RFX7: variants seen among roughly 807,000 people sequenced by gnomAD.
The protein encoded by RFX7 is DNA-binding protein RFX7.
RFX7 carries 26 observed loss-of-function variants against 111.8 expected under a neutral mutation model. The observed-to-expected ratio is 0.23, with a 90% CI of 0.17 to 0.32. The LOEUF is 0.32. Ranked by LOEUF, RFX7 falls within the 10% of genes least tolerant of loss-of-function variation. RFX7 has a pLI of 1.00. For missense variants in RFX7, 1,573 were observed against 1,772.9 expected (o/e 0.89, Z 2.02); for synonymous variants, 624 against 624.4 (o/e 1.00, Z 0.01).
chr15:56,144,919 A>G lies in RFX7; in HGVS notation c.196-436T>C, dbSNP rs1430940144. ...TCTGTAGAACTATAAAATGAATGACATAATTTCTAGAATCCGTTTCTAATT... is the reference window on the plus strand; with the variant it reads ...TCTGTAGAACTATAAAATGAATGACGTAATTTCTAGAATCCGTTTCTAATT... On this transcript the variant is annotated intron_variant, in intron 3 of 9. Coordinates refer to ENST00000559447, the MANE Select transcript of RFX7 (RefSeq NM_022841.7). Among the ~76,000 whole-genome samples, 7 of 152,336 alleles carry G rather than the reference A, an allele frequency of 4.6e-5. No individual in the cohort carries two copies. In the South Asian group the frequency reaches 1.0e-3, roughly 23 times the overall value.
intron 5 of RFX7, among the ~76,000 whole-genome samples, chr15:56,118,736 G>A (rs1246227025): frequency 6.6e-6 from 1 of 152,094 alleles, no homozygotes; most frequent in Admixed American, 6.5e-5. Flanking sequence ...AGATCATATG[G>A]TAGCTCTATT....
intron 5 of RFX7, among the ~76,000 whole-genome samples, chr15:56,136,379 T>C (rs1403544528): frequency 6.9e-6 from 1 of 145,972 alleles, no homozygotes; most frequent in East Asian, 2.0e-4. Flanking sequence ...TTTGAAGCAA[T>C]TGTGAATGGG....
intron 3 of RFX7, among the ~76,000 whole-genome samples, chr15:56,176,364 T>G (rs147138744): frequency 5.6e-4 from 86 of 152,240 alleles, no homozygotes; most frequent in African/African-American, 2.0e-3. Flanking sequence ...ACTATATACG[T>G]AGTCAAACTG....
intron 2 of RFX7, among the ~76,000 whole-genome samples, chr15:56,224,169 T>C (rs1456995891): frequency 6.6e-6 from 1 of 152,046 alleles, no homozygotes; most frequent in Non-Finnish European, 1.5e-5. Context: ...TTTTGTAAAA[T>C]TTTGTAAAAT....
chr15:56,244,471 CT>C (rs1325148748), upstream of RFX7, among the ~76,000 whole-genome samples: 2 of 152,184 alleles, frequency 1.3e-5, no homozygotes, highest in African/African-American at 4.8e-5. Flanking sequence ...CTCCATCCCC[CT>C]GCAAGAACTC....
At chr15:56,183,629 G>C (rs1053933879) in intron 2 of RFX7, among the ~76,000 whole-genome samples, 1 of 151,992 alleles carries the variant, frequency 6.6e-6, no homozygotes, top group Non-Finnish European at 1.5e-5. Context: ...ATAAAATTTA[G>C]GTCTATTTAT....
intron 5 of RFX7, among the ~76,000 whole-genome samples, chr15:56,123,832 G>A (rs1001579214): frequency 7.9e-5 from 12 of 152,164 alleles, no homozygotes; most frequent in South Asian, 2.1e-4. Context: ...CACTGTTGGC[G>A]GCACTGAGTT....
At chr15:56,164,315 T>C (rs1340032753) in intron 3 of RFX7, among the ~76,000 whole-genome samples, 4 of 152,192 alleles carry the variant, frequency 2.6e-5, no homozygotes, top group Non-Finnish European at 5.9e-5. Context: ...CAGTAGCTGA[T>C]TCCTTCCAGG....
intron 2 of RFX7, among the ~76,000 whole-genome samples, chr15:56,219,495 T>C (rs1197349526): frequency 1.3e-5 from 2 of 152,198 alleles, no homozygotes; most frequent in African/African-American, 4.8e-5. Context: ...TAGTACCTGA[T>C]AGGTAGCTTT....
intron 3 of RFX7, among the ~76,000 whole-genome samples, chr15:56,166,361 C>T (rs1216532792): frequency 6.6e-6 from 1 of 152,114 alleles, no homozygotes; most frequent in Non-Finnish European, 1.5e-5. Flanking sequence ...GCCCTCTTAA[C>T]CTTTATTTTT....
chr15:56,112,052 T>C (rs1289687310), intron 5 of RFX7, among the ~76,000 whole-genome samples: 1 of 150,662 alleles, frequency 6.6e-6, no homozygotes, highest in Non-Finnish European at 1.5e-5. Context: ...GAGGCGGAGG[T>C]TGCAGTGAGC....
At chr15:56,204,975 G>A (rs1398133946) in intron 2 of RFX7, among the ~76,000 whole-genome samples, 2 of 152,086 alleles carry the variant, frequency 1.3e-5, no homozygotes, top group Non-Finnish European at 2.9e-5. Context: ...GAACCAAAAG[G>A]CACCTGAATG....
At chr15:56,240,902 G>C (rs1454614174) in intron 2 of RFX7, among the ~76,000 whole-genome samples, 1 of 151,974 alleles carries the variant, frequency 6.6e-6, no homozygotes, top group Non-Finnish European at 1.5e-5. Flanking sequence ...GGTAGTAAAG[G>C]AGTTTTCACT....
intron 1 of RFX7, 27 bp downstream of exon 1, chr15:56,243,418 A>G: frequency 8.9e-7 from 1 of 1,124,580 alleles, no homozygotes; most frequent in Non-Finnish European, 1.1e-6. Context: ...AGGAGGAGGA[A>G]GGAAGCTGGA....
At chr15:56,116,085 T>C (rs1239254316) in intron 5 of RFX7, among the ~76,000 whole-genome samples, 4 of 152,252 alleles carry the variant, frequency 2.6e-5, no homozygotes, top group African/African-American at 9.6e-5. Context: ...TCTCTCATCT[T>C]TGAATTTCCA....
At chr15:56,213,974 T>C (rs573422035) in intron 2 of RFX7, among the ~76,000 whole-genome samples, 1 of 152,338 alleles carries the variant, frequency 6.6e-6, no homozygotes, top group South Asian at 2.1e-4. Context: ...TTTTTCTATA[T>C]TGATAGCCCG....
intron 2 of RFX7, among the ~76,000 whole-genome samples, chr15:56,213,976 G>A (rs1287687978): frequency 6.6e-6 from 1 of 151,800 alleles, no homozygotes; most frequent in Non-Finnish European, 1.5e-5. Context: ...TTTCTATATT[G>A]ATAGCCCGTG....
chr15:56,188,398 T>C (rs1271529154), intron 2 of RFX7, among the ~76,000 whole-genome samples: 1 of 152,122 alleles, frequency 6.6e-6, no homozygotes, highest in African/African-American at 2.4e-5. Flanking sequence ...GGCCAAAGTC[T>C]TCCCAAATCC....
chr15:56,111,935 T>TG (rs2041939673), intron 5 of RFX7, among the ~76,000 whole-genome samples: 1 of 151,850 alleles, frequency 6.6e-6, no homozygotes, highest in Non-Finnish European at 1.5e-5. Context: ...GCCAATATTG[T>TG]GAAACCCTGT....
Sources: gnomAD v4.1 joint callset for allele counts (sites outside exome capture counted in the v4.1 genomes callset) on GRCh38, gnomAD v4.1.1 for gene constraint, MANE v1.5 for transcripts, NCBI Gene and HGNC (gene_info 2026-07-23, HGNC 2026-07-21) for gene names.